The following HECA variants were observed in gnomAD, a reference collection of about 807,000 sequenced individuals.
HECA encodes HECA ribonucleoprotein granule regulator, also known as headcase protein homolog.
A neutral mutation model predicts 37.6 loss-of-function variants in HECA; 13 were observed. The observed-to-expected ratio is 0.35, with a 90% CI of 0.23 to 0.55. The LOEUF is 0.55. Ranked by LOEUF, HECA falls within the 20% of genes least tolerant of loss-of-function variation. The pLI, the probability that HECA is intolerant of heterozygous loss-of-function variation, is 0.90. For missense variants in HECA, 527 were observed against 701.9 expected, an observed-to-expected ratio of 0.75 and a Z score of 2.82; for synonymous variants, 307 against 291.5, an observed-to-expected ratio of 1.05 and a Z score of -0.54.
chr6:139,163,951 A>C lies in HECA; in HGVS notation c.272-2333A>C, dbSNP rs372715143. On this transcript the variant is annotated intron_variant, in intron 1 of 3. Transcript: ENST00000367658. ...TCCTCCACCTCAGTGGTACACAGGC[A>C]CTTCTAAATCAGTGGGTCCTAAATA... Among the ~76,000 whole-genome samples, 87 of 152,132 alleles carry C rather than the reference A, an allele frequency of 5.7e-4. 1 individual carries two copies. Among genetic ancestry groups the C allele is most frequent in the African/African-American group, 2.0e-3 (85 of 41,496 alleles).
At chr6:139,143,101 G>A (rs1774535927) in intron 1 of HECA, among the ~76,000 whole-genome samples, 1 of 152,170 alleles carries the variant, frequency 6.6e-6, no homozygotes, top group African/African-American at 2.4e-5. Context: ...AAAAAGACTG[G>A]GTACTTCAGG....
intron 1 of HECA, among the ~76,000 whole-genome samples, chr6:139,163,405 TGTGCA>T (rs1296007144): frequency 6.6e-6 from 1 of 151,228 alleles, no homozygotes; most frequent in Non-Finnish European, 1.5e-5. Flanking sequence ...CTCAGGCTGG[TGTGCA>T]GTGGCACAAT....
At chr6:139,173,214 C>T (rs1349364502) in intron 2 of HECA, among the ~76,000 whole-genome samples, 1 of 152,212 alleles carries the variant, frequency 6.6e-6, no homozygotes, top group Non-Finnish European at 1.5e-5. Flanking sequence ...ATCCTTCCCC[C>T]TTTTGGCATA....
chr6:139,170,365 A>G (rs1164045902), intron 2 of HECA: 1 of 152,222 alleles, frequency 6.6e-6, no homozygotes, highest in Admixed American at 6.5e-5. Context: ...ATAAAATGTA[A>G]CTAACTTACC....
chr6:139,174,166 TA>T (rs1487514715), intron 2 of HECA, among the ~76,000 whole-genome samples: 3 of 152,378 alleles, frequency 2.0e-5, no homozygotes, highest in Admixed American at 1.3e-4. Context: ...AAGTTTTTAA[TA>T]TGCTTGAACT....
intron 2 of HECA, among the ~76,000 whole-genome samples, chr6:139,172,908 A>G (rs1774995381): frequency 6.6e-6 from 1 of 152,214 alleles, no homozygotes; most frequent in Non-Finnish European, 1.5e-5. Context: ...ACCCTCGGTT[A>G]ACTCTTAGTA....
intron 1 of HECA, among the ~76,000 whole-genome samples, chr6:139,141,242 T>C (rs1220579857): frequency 1.3e-5 from 2 of 152,268 alleles, no homozygotes; most frequent in African/African-American, 4.8e-5. Context: ...ACATTATTAA[T>C]ATTTTGATAT....
chr6:139,170,109 G>A (rs938722445), intron 2 of HECA: 5 of 152,140 alleles, frequency 3.3e-5, no homozygotes, highest in Admixed American at 2.0e-4. Context: ...CTGTTTGGGG[G>A]TAATTTTAGA....
At chr6:139,175,628 T>C (rs1775041100) in intron 3 of HECA, among the ~76,000 whole-genome samples, 1 of 152,172 alleles carries the variant, frequency 6.6e-6, no homozygotes, top group Non-Finnish European at 1.5e-5. Flanking sequence ...ACCTGGGATC[T>C]AGACCGACCT....
chr6:139,170,152 T>C (rs1278689343), intron 2 of HECA: 2 of 152,220 alleles, frequency 1.3e-5, no homozygotes, highest in Non-Finnish European at 2.9e-5. Flanking sequence ...TATTTCTCCA[T>C]TGTAAAACTT....
chr6:139,164,016 G>C (rs1487072283), intron 1 of HECA, among the ~76,000 whole-genome samples: 1 of 151,764 alleles, frequency 6.6e-6, no homozygotes, highest in Non-Finnish European at 1.5e-5. Context: ...CTGTCCTGCT[G>C]TTCCCACATT....
At position 139,143,033 on chromosome 6, in the gene HECA, T is replaced by A. The variant is rs9399273; in HGVS notation, c.271+7366T>A. Among the ~76,000 whole-genome samples, 473 of 152,306 alleles carry A rather than the reference T, an allele frequency of 3.1e-3. 14 individuals carry two copies. In the East Asian group the frequency reaches 0.076, roughly 25 times the overall value. On this transcript the variant is annotated intron_variant, in intron 1 of 3. Coordinates refer to ENST00000367658, the MANE Select transcript of HECA (RefSeq NM_016217.3). ...GAAAGCATAGACCTTTGAAATTCTG[T>A]CTGTATTATGATTCTAATCTTACAA...
At chr6:139,137,311 A>G (rs1216416980) in intron 1 of HECA, among the ~76,000 whole-genome samples, 1 of 151,978 alleles carries the variant, frequency 6.6e-6, no homozygotes, top group African/African-American at 2.4e-5. Flanking sequence ...CCTCATGTGT[A>G]AACTTGAAAA....
chr6:139,166,005 G>A (rs995934304), intron 1 of HECA: 70 of 326,992 alleles, frequency 2.1e-4, no homozygotes, highest in Non-Finnish European at 3.3e-4. Context: ...GTATGAGACC[G>A]TCTATGTTCC....
Position 139,153,227 on chromosome 6 carries a change from G to A in HECA, c.272-13057G>A, listed in dbSNP as rs541153308. ...TTAATCAATCAAACTTTTTTTTGCT[G>A]TGTATCTCCTAAGAGAATTAGAAAA... On this transcript the variant is annotated intron_variant, in intron 1 of 3. Transcript: ENST00000367658. The A allele has an allele frequency of 1.2e-4, 19 of 152,060 alleles. No individual in the cohort carries two copies. The South Asian group carries it at 3.7e-3, about 30-fold the overall frequency. The allele number at this position is 152,060 out of a possible 1,614,324, so 9.4% of individuals were successfully genotyped here.
At position 139,147,239 on chromosome 6, in the gene HECA, CTGTA is replaced by C. The variant is rs550455813; in HGVS notation, c.271+11575_271+11578del. ...ACATACGTACATAAATAATGAAAAA[CTGTA>C]TGCAGATTTTTAAAGGAGAGGACTG... On this transcript the variant is annotated intron_variant, in intron 1 of 3. Transcript: ENST00000367658. 6.6e-4 allele frequency among the ~76,000 whole-genome samples: 100 copies of C among 152,216 alleles called. 2 individuals are homozygous for C. The highest frequency in any genetic ancestry group is 5.9e-3 in the Admixed American group (90 of 15,286).
rs759799956 is a variant in HECA at position 139,166,900 on chromosome 6, G to A, written c.888G>A (p.Glu296=). ...SGPRSSRYLG[E]FLKNAIHLEP... ...CCCGCTCCTCCAGATACCTCGGGGA[G>A]TTCTTAAAGAACGCCATCCATCTGG... Residue 296 remains glutamate, a synonymous_variant, in exon 2 of 4, where the codon GAG becomes GAA. Coordinates refer to ENST00000367658, the MANE Select transcript of HECA (RefSeq NM_016217.3). The A allele has an allele frequency of 6.2e-7, 1 of 1,614,024 alleles. No individual in the cohort carries two copies. The highest frequency in any genetic ancestry group is 2.2e-5 in the East Asian group (1 of 44,870).
At chr6:139,165,029 A>G (rs1774863756) in intron 1 of HECA, among the ~76,000 whole-genome samples, 1 of 152,230 alleles carries the variant, frequency 6.6e-6, no homozygotes, top group Admixed American at 6.5e-5. Flanking sequence ...AACAGCAGCA[A>G]CAACATTAAT....
chr6:139,166,016 A>G (rs1774878707), intron 1 of HECA: 1 of 351,622 alleles, frequency 2.8e-6, no homozygotes, highest in Admixed American at 4.5e-5. Context: ...TCTATGTTCC[A>G]GCGGCTTTCT....
Sources: allele counts gnomAD v4.1 joint callset (sites outside exome capture counted in the v4.1 genomes callset), GRCh38; gene constraint gnomAD v4.1.1; transcripts MANE v1.5; gene names NCBI Gene and HGNC (gene_info 2026-07-23, HGNC 2026-07-21).